The following AGBL1 variants were observed in gnomAD, a reference collection of about 807,000 sequenced individuals.
AGBL1 encodes cytosolic carboxypeptidase 4.
A neutral mutation model predicts 118.9 loss-of-function variants in AGBL1; 130 were observed. That is an observed-to-expected ratio of 1.09 (90% CI 0.95 to 1.26). The LOEUF (loss-of-function observed/expected upper bound fraction) is 1.26, where lower values mean the gene tolerates loss of function less well. Among genes scored for constraint, AGBL1 ranks in the 50% most tolerant of loss-of-function variants. AGBL1 has a pLI of 0.00. For synonymous variants in AGBL1, 555 were observed against 478.9 expected (o/e 1.16, Z -2.08); for missense variants, 1,584 against 1,298.1 (o/e 1.22, Z -3.38).
At chr15:86,422,930 T>C (rs1301021801) in intron 18 of AGBL1, among the ~76,000 whole-genome samples, 1 of 152,184 alleles carries the variant, frequency 6.6e-6, no homozygotes, top group African/African-American at 2.4e-5. Context: ...AGTTCTGAAA[T>C]TGAGGCAGTA....
At chr15:86,363,926 G>T (rs189599225) in intron 17 of AGBL1, among the ~76,000 whole-genome samples, 2 of 152,260 alleles carry the variant, frequency 1.3e-5, no homozygotes, top group African/African-American at 2.4e-5. Flanking sequence ...AGTAATCAGA[G>T]TTGATTCTTT....
chr15:86,448,678 A>T (rs748436707), intron 18 of AGBL1, among the ~76,000 whole-genome samples: 2 of 143,624 alleles, frequency 1.4e-5, no homozygotes, highest in Non-Finnish European at 3.0e-5. Flanking sequence ...TCTCTGATTG[A>T]ATGTGGGGGC....
intron 22 of AGBL1, among the ~76,000 whole-genome samples, chr15:86,700,112 C>T (rs1212777324): frequency 1.3e-5 from 2 of 151,944 alleles, no homozygotes; most frequent in African/African-American, 2.4e-5. Flanking sequence ...CTCTTTTCTT[C>T]AGTGACTTAC....
At chr15:86,979,739 G>A (rs185951284) in intron 23 of AGBL1, among the ~76,000 whole-genome samples, 9 of 152,152 alleles carry the variant, frequency 5.9e-5, no homozygotes, top group African/African-American at 2.2e-4. Flanking sequence ...TCCTGACCTC[G>A]TGATCTGCCC....
At chr15:86,717,273 C>A (rs78986987) in intron 22 of AGBL1, among the ~76,000 whole-genome samples, 1 of 152,066 alleles carries the variant, frequency 6.6e-6, no homozygotes, top group African/African-American at 2.4e-5. Flanking sequence ...TTTATAAACT[C>A]GATTTCTGCA....
chr15:86,873,851 A>G (rs1308065680), intron 22 of AGBL1, among the ~76,000 whole-genome samples: 1 of 152,154 alleles, frequency 6.6e-6, no homozygotes, highest in African/African-American at 2.4e-5. Context: ...TTTTGCCTTC[A>G]GCATAATAGA....
intron 5 of AGBL1, among the ~76,000 whole-genome samples, chr15:86,174,474 T>C (rs1256299791): frequency 6.6e-6 from 1 of 152,190 alleles, no homozygotes; most frequent in Non-Finnish European, 1.5e-5. Context: ...CGGCTAGAAC[T>C]GTCAGTACTA....
chr15:86,473,643 T>TAGACA (rs1488940627), intron 18 of AGBL1, among the ~76,000 whole-genome samples: 6 of 152,236 alleles, frequency 3.9e-5, no homozygotes, highest in Non-Finnish European at 8.8e-5. Flanking sequence ...AGTATTTCAA[T>TAGACA]GACTACATAG....
intron 13 of AGBL1, among the ~76,000 whole-genome samples, chr15:86,269,191 T>G (rs2142047987): frequency 6.6e-6 from 1 of 152,310 alleles, no homozygotes; most frequent in East Asian, 1.9e-4. Flanking sequence ...GTGTATTTTA[T>G]AGCATGGGAG....
At chr15:86,719,998 G>T (rs550198071) in intron 22 of AGBL1, among the ~76,000 whole-genome samples, 1 of 152,086 alleles carries the variant, frequency 6.6e-6, no homozygotes, top group East Asian at 1.9e-4. Context: ...AAAATGTTGG[G>T]CTGCTTCAGG....
chr15:86,985,670 C>G (rs140655851), intron 23 of AGBL1, among the ~76,000 whole-genome samples: 4 of 151,958 alleles, frequency 2.6e-5, no homozygotes, highest in African/African-American at 9.6e-5. Context: ...TTCTTCCACT[C>G]TGTGGCTTAC....
chr15:86,864,362 G>T (rs1395276075), intron 22 of AGBL1, among the ~76,000 whole-genome samples: 1 of 152,120 alleles, frequency 6.6e-6, no homozygotes, highest in Non-Finnish European at 1.5e-5. Context: ...ACCAAAAAAT[G>T]TATTGAAAGT....
At chr15:86,559,203 C>G (rs1028692281) in intron 21 of AGBL1, among the ~76,000 whole-genome samples, 1 of 152,148 alleles carries the variant, frequency 6.6e-6, no homozygotes, top group African/African-American at 2.4e-5. Flanking sequence ...ATGACCTCAT[C>G]TTAACTTAAT....
intron 17 of AGBL1, among the ~76,000 whole-genome samples, chr15:86,350,571 C>T (rs1294214780): frequency 1.3e-5 from 2 of 152,184 alleles, no homozygotes; most frequent in Non-Finnish European, 2.9e-5. Flanking sequence ...GTAAGTTATA[C>T]ATGTGCTTGG....
At chr15:86,326,036 T>A (rs13329206) in intron 17 of AGBL1, among the ~76,000 whole-genome samples, 2,362 of 152,278 alleles carry the variant, frequency 0.016, 68 homozygotes, top group African/African-American at 0.055. Flanking sequence ...AATAAATAAC[T>A]TTTTTAAAGG....
At chr15:86,810,328 T>C (rs1450751477) in intron 22 of AGBL1, among the ~76,000 whole-genome samples, 2 of 152,100 alleles carry the variant, frequency 1.3e-5, no homozygotes, top group Non-Finnish European at 2.9e-5. Flanking sequence ...TGACCAAATA[T>C]TTTCTTGCCT....
chr15:86,870,454 CAAAAAAAAAAAAAAAAA>C (rs770556494), intron 22 of AGBL1, among the ~76,000 whole-genome samples: 45 of 64,118 alleles, frequency 7.0e-4, no homozygotes, highest in African/African-American at 9.9e-4. Flanking sequence ...AAGCATACTG[CAAAAAAAAAAAAAAAAA>C]AAAAAAAAAA....
At chr15:86,633,846 A>G (rs1332775561) in intron 21 of AGBL1, among the ~76,000 whole-genome samples, 2 of 35,834 alleles carry the variant, frequency 5.6e-5, no homozygotes, top group East Asian at 3.2e-3. Context: ...TATATATATA[A>G]TGTATATATA....
At chr15:86,930,267 T>C (rs1486871816) in intron 23 of AGBL1, among the ~76,000 whole-genome samples, 4 of 151,812 alleles carry the variant, frequency 2.6e-5, no homozygotes, top group Non-Finnish European at 5.9e-5. Context: ...CCCTCCAGAG[T>C]GAAAATAAAA....
Sources: allele counts gnomAD v4.1 joint callset (sites outside exome capture counted in the v4.1 genomes callset), GRCh38; gene constraint gnomAD v4.1.1; transcripts MANE v1.5; gene names NCBI Gene and HGNC (gene_info 2026-07-23, HGNC 2026-07-21).